Variants in USP34 observed in about 807,000 individuals in gnomAD.
The protein encoded by USP34 is ubiquitin specific peptidase 34.
Under a neutral mutation model 460.3 loss-of-function variants are expected in USP34, and 70 were observed. That is an observed-to-expected ratio of 0.15 (90% CI 0.13 to 0.19). The LOEUF (loss-of-function observed/expected upper bound fraction) is 0.19, where lower values mean the gene tolerates loss of function less well. Among genes scored for constraint, USP34 ranks in the 10% least tolerant of loss-of-function variants. USP34 has a pLI of 1.00. For synonymous variants in USP34, 1,647 were observed against 1,405.3 expected (o/e 1.17, Z -3.85); for missense variants, 3,985 against 4,236.2 (o/e 0.94, Z 1.65).
At chr2:61,307,816 G>T (rs1004408153) in intron 27 of USP34, among the ~76,000 whole-genome samples, 2 of 143,622 alleles carry the variant, frequency 1.4e-5, no homozygotes, top group African/African-American at 3.0e-5. Flanking sequence ...GGACGGCCAA[G>T]GGGGGAGGAT....
At chr2:61,351,650 C>T (rs1306128394) in intron 10 of USP34, among the ~76,000 whole-genome samples, 1 of 152,082 alleles carries the variant, frequency 6.6e-6, no homozygotes, top group African/African-American at 2.4e-5. Context: ...ATTTTGTAGG[C>T]ATACACATAT....
intron 1 of USP34, among the ~76,000 whole-genome samples, chr2:61,424,717 GA>G (rs1194497970): frequency 2.0e-5 from 3 of 151,146 alleles, no homozygotes; most frequent in Non-Finnish European, 4.4e-5. Context: ...CTCTATTTAA[GA>G]AAAAAAGACC....
chr2:61,337,992 G>A (rs1374414592), intron 18 of USP34, among the ~76,000 whole-genome samples: 1 of 152,124 alleles, frequency 6.6e-6, no homozygotes, highest in East Asian at 1.9e-4. Context: ...TGTAAATGAT[G>A]ACATATCATC....
intron 27 of USP34, 85 bp downstream of exon 27, chr2:61,311,455 A>G (rs1690589093): frequency 4.2e-6 from 6 of 1,444,098 alleles, no homozygotes; most frequent in Non-Finnish European, 5.5e-6. Context: ...AGAATAAAAG[A>G]AAAGGAAAGG....
chr2:61,216,919 A>T (rs976645644), intron 67 of USP34, among the ~76,000 whole-genome samples: 3 of 151,860 alleles, frequency 2.0e-5, no homozygotes, highest in Non-Finnish European at 2.9e-5. Context: ...CTCCATCTCA[A>T]AAAGAAAAAA....
intron 62 of USP34, among the ~76,000 whole-genome samples, chr2:61,226,430 G>A (rs1572850257): frequency 6.6e-6 from 1 of 152,012 alleles, no homozygotes; most frequent in African/African-American, 2.4e-5. Context: ...ATGAGGTTTG[G>A]TTGTACATAC....
chr2:61,308,825 G>C (rs896345296), intron 27 of USP34, among the ~76,000 whole-genome samples: 6 of 152,136 alleles, frequency 3.9e-5, no homozygotes, highest in African/African-American at 1.4e-4. Context: ...CAGAAAGCTT[G>C]AGCTCAAGAG....
In USP34 at chr2:61,281,151, A is replaced by G; in HGVS notation, c.5090T>C (p.Leu1697Pro). 6.2e-7 allele frequency: 1 copy of G among 1,613,964 alleles called. No homozygotes were observed. Among genetic ancestry groups the G allele is most frequent in the Non-Finnish European group, 8.5e-7 (1 of 1,179,922 alleles). Residue 1697 changes from leucine to proline, a missense_variant, in exon 38 of 80, where the codon CTA (leucine) becomes CCA (proline). Leu to Pro is a moderately conservative substitution (Grantham distance 98, BLOSUM62 -3). Around this residue, in one of 14 missense-constraint regions of USP34, gnomAD observed 1,114 missense variants for 1,122.5 expected, o/e 0.99. Coordinates refer to ENST00000398571, the MANE Select transcript of USP34 (RefSeq NM_014709.4). ...GGDSINRSFL[L>P]LAASTLLKFL... ...TTTCAATAATGTTGAGGCAGCCAAT[A>G]GCAGAAAAGAACGATTGATTGAGTC...
At chr2:61,190,182 A>C in intron 78 of USP34, 89 bp downstream of exon 78, 1 of 1,491,174 alleles carries the variant, frequency 6.7e-7, no homozygotes, top group East Asian at 2.3e-5. Flanking sequence ...CAGTAAGTTA[A>C]AGTTACGAGA....
intron 3 of USP34, among the ~76,000 whole-genome samples, chr2:61,401,018 G>A (rs1294520027): frequency 1.3e-5 from 2 of 151,462 alleles, no homozygotes; most frequent in Non-Finnish European, 2.9e-5. Flanking sequence ...GGCATTTTGG[G>A]TGCGCGCCTG....
intron 5 of USP34, among the ~76,000 whole-genome samples, chr2:61,385,168 A>C (rs1381900791): frequency 6.6e-6 from 1 of 152,168 alleles, no homozygotes; most frequent in East Asian, 1.9e-4. Context: ...TCATGTGTCT[A>C]GGAGTAATCT....
intron 5 of USP34, among the ~76,000 whole-genome samples, chr2:61,384,163 C>T (rs1178894671): frequency 6.6e-6 from 1 of 152,106 alleles, no homozygotes; most frequent in Non-Finnish European, 1.5e-5. Context: ...ACTAAGTTTA[C>T]TATAAGTAAC....
At chr2:61,405,664 A>G in intron 3 of USP34, 44 bp downstream of exon 3, 1 of 1,471,330 alleles carries the variant, frequency 6.8e-7, no homozygotes, top group Non-Finnish European at 9.1e-7. Context: ...CTGCGAAGTT[A>G]AGACTTGGTA....
At chr2:61,436,554 CAACATAATTAGATCT>C (rs1341332880) in intron 1 of USP34, among the ~76,000 whole-genome samples, 1 of 152,156 alleles carries the variant, frequency 6.6e-6, no homozygotes, top group African/African-American at 2.4e-5. Flanking sequence ...CCCAGATATA[CAACATAATTAGATCT>C]AACGGGAGAG....
chr2:61,440,562 G>A (rs1274251869), intron 1 of USP34, among the ~76,000 whole-genome samples: 1 of 149,320 alleles, frequency 6.7e-6, no homozygotes, highest in African/African-American at 2.5e-5. Flanking sequence ...TTCTCGTCCA[G>A]GCTGGAATGC....
At chr2:61,198,762 G>A (rs1686883645) in intron 75 of USP34, among the ~76,000 whole-genome samples, 1 of 152,112 alleles carries the variant, frequency 6.6e-6, no homozygotes, top group Non-Finnish European at 1.5e-5. Context: ...CCAGCTACTT[G>A]GGAGGCTGAG....
intron 6 of USP34, among the ~76,000 whole-genome samples, chr2:61,382,908 C>T (rs1410779516): frequency 2.0e-5 from 3 of 152,244 alleles, no homozygotes; most frequent in African/African-American, 7.2e-5. Context: ...CTTTTGTAAA[C>T]AGACTGCACA....
intron 1 of USP34, among the ~76,000 whole-genome samples, chr2:61,441,782 C>G (rs530108860): frequency 4.0e-4 from 43 of 108,794 alleles, no homozygotes; most frequent in African/African-American, 1.5e-3. Context: ...GCCTGGGCAA[C>G]AGAGAGAGAG....
chr2:61,280,278 A>G lies in USP34; in HGVS notation c.5222T>C (p.Leu1741Ser). 2 of 1,564,490 alleles carry G rather than the reference A, an allele frequency of 1.3e-6. No homozygotes were observed. The highest frequency in any genetic ancestry group is 1.8e-5 in the Admixed American group (1 of 54,232). The change falls in exon 39 of 80, where the codon TTA becomes TCA. Residue 1741 changes from leucine to serine, a missense_variant. Around this residue, in one of 14 missense-constraint regions of USP34, gnomAD observed 1,114 missense variants for 1,122.5 expected, o/e 0.99. Coordinates refer to ENST00000398571, the MANE Select transcript of USP34 (RefSeq NM_014709.4). ...GTCCTTTATATGTATGTTGTCAACT[A>G]ATTTGCATAACAACCAAAAATACTC... ...CKEYFWLLCK[L>S]VDNIHIKDAS...
Sources: gnomAD v4.1 joint callset for allele counts (sites outside exome capture counted in the v4.1 genomes callset) on GRCh38, gnomAD v4.1.1 for gene constraint, gnomAD v4.1.1 regional missense constraint, MANE v1.5 for transcripts, NCBI Gene and HGNC (gene_info 2026-07-23, HGNC 2026-07-21) for gene names.